Variants in SPEN observed in about 807,000 individuals in gnomAD.
SPEN encodes the protein msx2-interacting protein.
A neutral mutation model predicts 269.9 loss-of-function variants in SPEN; 18 were observed. The observed-to-expected ratio is 0.07, with a 90% CI of 0.05 to 0.10. SPEN has a LOEUF of 0.10. Ranked by LOEUF, SPEN falls within the 10% of genes least tolerant of loss-of-function variation. The pLI, the probability that SPEN is intolerant of heterozygous loss-of-function variation, is 1.00. For synonymous variants in SPEN, 1,726 were observed against 1,765.7 expected (o/e 0.98, Z 0.56); for missense variants, 3,822 against 4,631.2 (o/e 0.83, Z 5.07).
intron 3 of SPEN, among the ~76,000 whole-genome samples, chr1:15,903,467 C>T (rs547017643): frequency 1.3e-5 from 2 of 152,192 alleles, no homozygotes; most frequent in Non-Finnish European, 2.9e-5. Context: ...CACCTCACTA[C>T]GCCTCAACCT....
Position 15,939,579 on chromosome 1 carries a change from C to A in SPEN, c.*152C>A. On this transcript the variant is annotated 3_prime_UTR_variant, in exon 15 of 15. Coordinates refer to ENST00000375759, the MANE Select transcript of SPEN (RefSeq NM_015001.3). The surrounding 1 kb of genome is among the most constrained non-coding windows in gnomAD (Gnocchi z 4.1). ...TTGCTGTCCTGCCGCCCGGCTCAGTCGGCCAGACTTCCTCTAGGAGTGGTG... is the reference window on the plus strand; with the variant it reads ...TTGCTGTCCTGCCGCCCGGCTCAGTAGGCCAGACTTCCTCTAGGAGTGGTG... 1 of 920,338 alleles carries A rather than the reference C, an allele frequency of 1.1e-6. No individual in the cohort carries two copies. Among genetic ancestry groups the A allele is most frequent in the Non-Finnish European group, 1.6e-6 (1 of 641,124 alleles). 57.0% of individuals were successfully genotyped at this position (920,338 alleles called of 1,614,324 possible).
intron 3 of SPEN, among the ~76,000 whole-genome samples, chr1:15,900,465 A>G (rs1304190501): frequency 6.6e-6 from 1 of 152,208 alleles, no homozygotes. Flanking sequence ...TTTTGTCTAT[A>G]AAGTAGTGAC....
chr1:15,936,090 A>T lies in SPEN; in HGVS notation c.9850A>T (p.Thr3284Ser). The change falls in exon 11 of 15, where the codon ACC (threonine) becomes TCC (serine). Residue 3284 changes from threonine (T) to serine (S), a missense_variant. Thr to Ser is a moderately conservative substitution (Grantham distance 58). Transcript: ENST00000375759. ...TAACCAACTCCAGGGGCTGCCTCTG[A>T]CCCCTCCTGTGGTGGTGACCCATGG... The part of the protein sequence containing the change: ...PSNQLQGLPL[T>S]PPVVVTHGVQ... The T allele has an allele frequency of 1.2e-6, 2 of 1,603,696 alleles. No homozygotes were observed. The highest frequency in any genetic ancestry group is 1.7e-6 in the Non-Finnish European group (2 of 1,173,448).
intron 1 of SPEN, among the ~76,000 whole-genome samples, chr1:15,859,358 C>CTTTTTTTTTTTTTTTTTTTTTTTTT (rs143092339): frequency 2.6e-5 from 3 of 115,606 alleles, no homozygotes; most frequent in Non-Finnish European, 5.2e-5. Flanking sequence ...TTTTTCTTTT[C>CTTTTTTTTTTTTTTTTTTTTTTTTT]TTTTTTTTTT....
At chr1:15,921,051 C>T (rs1047067254) in intron 9 of SPEN, 68 bp downstream of exon 9, 51 of 1,016,302 alleles carry the variant, frequency 5.0e-5, no homozygotes, top group African/African-American at 4.0e-4. Flanking sequence ...TTGGGCTGGG[C>T]GTGGTGGCTC....
Position 15,848,272 on chromosome 1 carries a change from C to A in SPEN, c.83+122C>A. 1.9e-6 allele frequency: 1 copy of A among 530,372 alleles called. No individual in the cohort carries two copies. The allele number at this position is 530,372 out of a possible 1,614,324, so 32.9% of individuals were successfully genotyped here. On this transcript the variant is annotated intron_variant, in intron 1 of 14. Coordinates refer to ENST00000375759, the MANE Select transcript of SPEN (RefSeq NM_015001.3). The surrounding 1 kb of genome is among the most constrained non-coding windows in gnomAD (Gnocchi z 5.1). ...GAGGACTCCGGCCCGGACCCACGGG[C>A]GCTGTGGGACCTCGTCAGCCGCTCG...
chr1:15,933,204 G>A lies in SPEN; in HGVS notation c.6964G>A (p.Glu2322Lys), dbSNP rs772718699. ...VPEAKGSKEV[E>K]VTLVRKDKGR... The stretch of plus-strand genomic sequence containing the variant: ...AGAAGCCAAAGGGTCTAAAGAAGTG[G>A]AAGTCACTCTTGTTCGGAAAGACAA... The change falls in exon 11 of 15, where the codon GAA (glutamate) becomes AAA (lysine). Residue 2322 changes from glutamate (E) to lysine (K), a missense_variant. This residue lies in a region of SPEN where 727 missense variants were observed against 737.9 expected (regional missense o/e 0.99). Transcript: ENST00000375759. This position sits in a 1 kb window ranked among gnomAD's most constrained non-coding sequence, Gnocchi z 5.7. 2 of 1,614,156 alleles carry A rather than the reference G, an allele frequency of 1.2e-6. No homozygotes were observed. The highest frequency in any genetic ancestry group is 1.7e-6 in the Non-Finnish European group (2 of 1,180,026).
intron 8 of SPEN, among the ~76,000 whole-genome samples, chr1:15,920,509 T>A (rs1318369753): frequency 6.6e-6 from 1 of 152,226 alleles, no homozygotes; most frequent in African/African-American, 2.4e-5. Flanking sequence ...TTTTCCTTCC[T>A]TTCAAGGGTG....
Position 15,937,690 on chromosome 1 carries a change from G to C in SPEN, c.10509+45G>C. 1 of 1,606,770 alleles carries C rather than the reference G, an allele frequency of 6.2e-7. No homozygotes were observed. The highest frequency in any genetic ancestry group is 8.5e-7 in the Non-Finnish European group (1 of 1,175,068). Reference sequence around the variant, plus strand: ...GCCCTTCCTGGCCCCCAAGTTTTATGCCATGTCAAATGTCCTAAGATTCCC... The same window carrying C: ...GCCCTTCCTGGCCCCCAAGTTTTATCCCATGTCAAATGTCCTAAGATTCCC... On this transcript the variant is annotated intron_variant, in intron 12 of 14. Coordinates refer to ENST00000375759, the MANE Select transcript of SPEN (RefSeq NM_015001.3). The surrounding 1 kb of genome is among the most constrained non-coding windows in gnomAD (Gnocchi z 5.7).
chr1:15,880,908 G>A (rs369217178), intron 3 of SPEN, among the ~76,000 whole-genome samples: 3 of 152,190 alleles, frequency 2.0e-5, no homozygotes, highest in South Asian at 4.1e-4. Context: ...AGGGAACACT[G>A]TGGGCAGAAG....
rs1230827666 is a variant in SPEN at position 15,848,784 on chromosome 1, T to C, written c.83+634T>C. ...CGTTTTTGCGGGGCTGGGTGGAGAG[T>C]GGTGTGAAATAAGTTGGTGCGCCCG... On this transcript the variant is annotated intron_variant, in intron 1 of 14. Coordinates refer to ENST00000375759, the MANE Select transcript of SPEN (RefSeq NM_015001.3). This position sits in a 1 kb window ranked among gnomAD's most constrained non-coding sequence, Gnocchi z 5.1. Among the ~76,000 whole-genome samples the C allele has an allele frequency of 2.0e-5, 3 of 151,410 alleles. No individual in the cohort carries two copies. The highest frequency in any genetic ancestry group is 6.6e-5 in the Admixed American group (1 of 15,196).
chr1:15,862,588 T>G (rs1345081540), intron 1 of SPEN, among the ~76,000 whole-genome samples: 1 of 152,222 alleles, frequency 6.6e-6, no homozygotes, highest in Non-Finnish European at 1.5e-5. Flanking sequence ...CCTCATAATT[T>G]GACAATCTTT....
intron 6 of SPEN, among the ~76,000 whole-genome samples, 160 bp from the exon 7 acceptor site, chr1:15,918,766 T>G (rs1209907494): frequency 6.6e-6 from 1 of 152,230 alleles, no homozygotes; most frequent in African/African-American, 2.4e-5. Flanking sequence ...TATAGCAAAC[T>G]AGTAACTTAC....
At chr1:15,852,422 T>G (rs35340817) in intron 1 of SPEN, among the ~76,000 whole-genome samples, 1 of 151,940 alleles carries the variant, frequency 6.6e-6, no homozygotes, top group Non-Finnish European at 1.5e-5. Context: ...CATTAAAAAT[T>G]ACACAGAATA....
chr1:15,931,704 A>C lies in SPEN; in HGVS notation c.5464A>C (p.Lys1822Gln). The C allele has an allele frequency of 1.2e-6, 2 of 1,614,192 alleles. No homozygotes were observed. The highest frequency in any genetic ancestry group is 1.7e-6 in the Non-Finnish European group (2 of 1,180,024). The change falls in exon 11 of 15, where the codon AAG becomes CAG. Residue 1822 changes from lysine to glutamine, a missense_variant. This residue lies in a region of SPEN where 533 missense variants were observed against 618.8 expected (regional missense o/e 0.86). Transcript: ENST00000375759. The surrounding 1 kb of genome is among the most constrained non-coding windows in gnomAD (Gnocchi z 4.8). ...AAAGGATAAAAAGCCAAACAAAAGC[A>C]AGCGTTCAAAGACCCCTGTTCAGGC... is the stretch of plus-strand genomic sequence containing the variant. ...AAKDKKPNKS[K>Q]RSKTPVQAAA...
Position 15,937,104 on chromosome 1 carries a change from C to G in SPEN, c.10027-59C>G. 2 of 1,558,496 alleles carry G rather than the reference C, an allele frequency of 1.3e-6. No homozygotes were observed. The highest frequency in any genetic ancestry group is 1.7e-6 in the Non-Finnish European group (2 of 1,149,234). ...GTGGCCCTTTGGGTCATTTGTTGGT[C>G]TCAGGGGCTTGTGCACAACAGACTG... On this transcript the variant is annotated intron_variant, in intron 11 of 14. Coordinates refer to ENST00000375759, the MANE Select transcript of SPEN (RefSeq NM_015001.3). The surrounding 1 kb of genome is among the most constrained non-coding windows in gnomAD (Gnocchi z 5.7).
At chr1:15,857,053 T>C (rs941847310) in intron 1 of SPEN, among the ~76,000 whole-genome samples, 3 of 151,958 alleles carry the variant, frequency 2.0e-5, no homozygotes, top group African/African-American at 7.2e-5. Flanking sequence ...CTATCTGCTT[T>C]TCTCCTTCCT....
intron 10 of SPEN, 63 bp downstream of exon 10, chr1:15,922,412 A>G: frequency 4.4e-6 from 5 of 1,133,818 alleles, no homozygotes; most frequent in African/African-American, 1.6e-5. Context: ...GAAACTTAAG[A>G]TGGCATTAAA....
chr1:15,936,584 G>T (rs946949842), intron 11 of SPEN, among the ~76,000 whole-genome samples: 1 of 150,054 alleles, frequency 6.7e-6, no homozygotes, highest in Non-Finnish European at 1.5e-5. Flanking sequence ...TGGAGGCAGA[G>T]GTTGCATTGA....
Sources: allele counts gnomAD v4.1 joint callset (sites outside exome capture counted in the v4.1 genomes callset), GRCh38; gene constraint gnomAD v4.1.1; regional missense constraint gnomAD v4.1.1; non-coding constraint Gnocchi (gnomAD v3.1); transcripts MANE v1.5; gene names NCBI Gene and HGNC (gene_info 2026-07-23, HGNC 2026-07-21).